The following SLC12A9 variants were observed in gnomAD, a reference collection of about 807,000 sequenced individuals.
SLC12A9 encodes CCC-interacting protein 1.
In SLC12A9, 55 loss-of-function variants were observed where a neutral mutation model predicts 66.0. That is an observed-to-expected ratio of 0.83 (90% CI 0.67 to 1.04). SLC12A9 has a LOEUF of 1.04. Among genes scored for constraint, SLC12A9 ranks in the 50% least tolerant of loss-of-function variants. The pLI, the probability that SLC12A9 is intolerant of heterozygous loss-of-function variation, is 0.00. For synonymous variants in SLC12A9, 577 were observed against 569.0 expected, an observed-to-expected ratio of 1.01 and a Z score of -0.20; for missense variants, 1,061 against 1,241.9, an observed-to-expected ratio of 0.85 and a Z score of 2.19.
chr7:100,861,954 T>G lies in SLC12A9; in HGVS notation c.1711+43T>G. The G allele has an allele frequency of 6.8e-7, 1 of 1,461,674 alleles. No homozygotes were observed. The highest frequency in any genetic ancestry group is 9.1e-7 in the Non-Finnish European group (1 of 1,100,650). 90.5% of individuals were successfully genotyped at this position (1,461,674 alleles called of 1,614,324 possible). On this transcript the variant is annotated intron_variant, in intron 12 of 13. Transcript: ENST00000354161. The surrounding 1 kb of genome is among the most constrained non-coding windows in gnomAD (Gnocchi z 5.3). ...TCACTCACTCACTCCCATCCTTCTC[T>G]CCCCCTACCTTTTTTTTTTTTTTGA...
chr7:100,843,169 G>C lies in SLC12A9; in HGVS notation n.228+16122G>C. Among the ~76,000 whole-genome samples, 2 of 152,220 alleles carry C rather than the reference G, an allele frequency of 1.3e-5. 1 individual carries two copies. The highest frequency in any genetic ancestry group is 2.9e-5 in the Non-Finnish European group (2 of 68,036). ...GTGGCACTTGTACTTTAGTCCAATTGGCTATCCCTTTCACCCTGGCATTTC... is the reference window on the plus strand; with the variant it reads ...GTGGCACTTGTACTTTAGTCCAATTCGCTATCCCTTTCACCCTGGCATTTC... On this transcript the variant is annotated intron_variant and non_coding_transcript_variant, in intron 1 of 1. Coordinates refer to the SLC12A9 transcript ENST00000461016.
chr7:100,865,033 C>T (rs913280368), intron 13 of SLC12A9, among the ~76,000 whole-genome samples: 4 of 152,070 alleles, frequency 2.6e-5, no homozygotes, highest in African/African-American at 9.7e-5. Context: ...TCTCGGCTTA[C>T]TACAACCACC....
chr7:100,858,785 T>A (rs1212933657), intron 5 of SLC12A9, 50 bp from the exon 6 acceptor site: 2 of 1,586,280 alleles, frequency 1.3e-6, no homozygotes, highest in African/African-American at 2.7e-5. Flanking sequence ...GAGGCCTGGA[T>A]CCCTGAGACG....
rs758353518 is a variant in SLC12A9, at chr7:100,856,887, G to A, written c.468G>A (p.Gly156=). 6.2e-7 allele frequency: 1 copy of A among 1,602,958 alleles called. No homozygotes were observed. Among genetic ancestry groups the A allele is most frequent in the South Asian group, 1.1e-5 (1 of 90,642 alleles). Residue 156 remains glycine, a synonymous_variant, in exon 5 of 14, where the codon GGG becomes GGA. Coordinates refer to ENST00000354161, the MANE Select transcript of SLC12A9 (RefSeq NM_020246.4). ...CTCCAGATGCCACAGGGCCCAGTGG[G>A]CTCCGGGTCCTGCCCCAGGGCTACG... ...VFGADATGPS[G]LRVLPQGYGW... is the part of the protein sequence containing the mutation.
rs1164791529 is a variant in SLC12A9 at position 100,854,773 on chromosome 7, G to A, written c.316+19G>A. The stretch of plus-strand genomic sequence containing the variant: ...GCCTACTGTATCCTCCAACATCGAT[G>A]GACTGGGGTCTGGCCTGTTCTGCCT... On this transcript the variant is annotated intron_variant, in intron 3 of 13. Coordinates refer to ENST00000354161, the MANE Select transcript of SLC12A9 (RefSeq NM_020246.4). The A allele has an allele frequency of 6.2e-7, 1 of 1,613,538 alleles. No homozygotes were observed. Among genetic ancestry groups the A allele is most frequent in the Non-Finnish European group, 8.5e-7 (1 of 1,179,920 alleles).
At chr7:100,862,897 TAG>T in intron 13 of SLC12A9, 70 bp downstream of exon 13, 1 of 1,581,348 alleles carries the variant, frequency 6.3e-7, no homozygotes, top group Non-Finnish European at 8.6e-7. Context: ...TCCCCTCCCC[TAG>T]AGAGTCAGCC....
intron 13 of SLC12A9, among the ~76,000 whole-genome samples, chr7:100,864,026 A>G (rs1004205054): frequency 6.6e-6 from 1 of 150,478 alleles, no homozygotes; most frequent in Non-Finnish European, 1.5e-5. Context: ...GAAATACGAA[A>G]TTTTTCCTGT....
Position 100,866,314 on chromosome 7 carries a change from G to A in SLC12A9, c.2454G>A (p.Gly818=). ...GAGEPEAEEE[G]DFVNSGRGDA... is the part of the protein sequence containing the mutation. ...GGGAACCCGAGGCGGAGGAGGAAGG[G>A]GACTTTGTGAACAGTGGGCGGGGAG... is the stretch of plus-strand genomic sequence containing the variant. The change falls in exon 14 of 14, where the codon GGG becomes GGA. Residue 818 remains glycine, a synonymous_variant. Coordinates refer to ENST00000354161, the MANE Select transcript of SLC12A9 (RefSeq NM_020246.4). This position sits in a 1 kb window ranked among gnomAD's most constrained non-coding sequence, Gnocchi z 7.3. 1 of 1,512,478 alleles carries A rather than the reference G, an allele frequency of 6.6e-7. No individual in the cohort carries two copies. The highest frequency in any genetic ancestry group is 1.3e-5 in the South Asian group (1 of 77,822). 93.7% of individuals were successfully genotyped at this position (1,512,478 alleles called of 1,614,324 possible).
chr7:100,865,585 G>GT (rs1437437496), intron 13 of SLC12A9, 134 bp from the exon 14 acceptor site: 95 of 1,571,288 alleles, frequency 6.0e-5, no homozygotes, highest in Non-Finnish European at 7.9e-5. Flanking sequence ...GAATGTTGCC[G>GT]TAAGAGCCCG....
upstream of SLC12A9, among the ~76,000 whole-genome samples, chr7:100,852,278 A>G (rs1358707226): frequency 6.6e-6 from 1 of 152,194 alleles, no homozygotes; most frequent in Non-Finnish European, 1.5e-5. Context: ...GTGAGGGGCG[A>G]GGCTGGGACC....
At chr7:100,827,488 G>A (rs1813443734) in intron 1 of SLC12A9, 1 of 151,414 alleles carries the variant, frequency 6.6e-6, no homozygotes, top group Admixed American at 6.6e-5. Context: ...GAGCCGGGCG[G>A]GCCGGGCCGG....
intron 1 of SLC12A9, among the ~76,000 whole-genome samples, chr7:100,830,465 G>A (rs1813522877): frequency 6.6e-6 from 1 of 151,944 alleles, no homozygotes; most frequent in East Asian, 1.9e-4. Flanking sequence ...TTTCAGTCCA[G>A]GAGTTTGAGG....
At chr7:100,865,255 G>A in intron 13 of SLC12A9, 2 of 1,535,654 alleles carry the variant, frequency 1.3e-6, no homozygotes, top group South Asian at 1.2e-5. Context: ...ACGGTGCCCT[G>A]CCTGGTCCAT....
chr7:100,840,471 A>G (rs895323396), intron 1 of SLC12A9, among the ~76,000 whole-genome samples: 6 of 152,250 alleles, frequency 3.9e-5, no homozygotes, highest in Non-Finnish European at 5.9e-5. Context: ...GTTCCCGTAC[A>G]TAGACACTTG....
intron 1 of SLC12A9, among the ~76,000 whole-genome samples, chr7:100,830,803 C>T (rs892546319): frequency 6.6e-6 from 1 of 152,046 alleles, no homozygotes; most frequent in Non-Finnish European, 1.5e-5. Context: ...TTCCCCTTTA[C>T]GTGGAGATGG....
chr7:100,837,591 G>A lies in SLC12A9; in HGVS notation n.228+10544G>A, dbSNP rs558577866. 5.9e-5 allele frequency: 9 copies of A among 152,386 alleles called. No homozygotes were observed. The East Asian group carries it at 1.2e-3, about 20-fold the overall frequency. The allele number at this position is 152,386 out of a possible 1,614,324, so 9.4% of individuals were successfully genotyped here. Reference sequence around the variant, plus strand: ...ATTCCGGAGGATTCCTGCAGCCACAGTGAATGTTTGGTTATTCCAGGCGCA... The same window carrying A: ...ATTCCGGAGGATTCCTGCAGCCACAATGAATGTTTGGTTATTCCAGGCGCA... On this transcript the variant is annotated intron_variant and non_coding_transcript_variant, in intron 1 of 1. Transcript: ENST00000461016.
intron 1 of SLC12A9, among the ~76,000 whole-genome samples, chr7:100,828,229 G>C (rs1450390804): frequency 2.0e-5 from 3 of 152,130 alleles, no homozygotes; most frequent in Non-Finnish European, 4.4e-5. Flanking sequence ...GAAAAATCGA[G>C]GAAACAACGG....
intron 1 of SLC12A9, among the ~76,000 whole-genome samples, chr7:100,832,309 G>A (rs564500591): frequency 4.9e-4 from 74 of 152,192 alleles, no homozygotes; most frequent in Non-Finnish European, 9.3e-4. Flanking sequence ...GTTTGAGACC[G>A]GCCTGGGCAA....
intron 1 of SLC12A9, among the ~76,000 whole-genome samples, chr7:100,835,895 G>A (rs567531132): frequency 6.6e-6 from 1 of 152,336 alleles, no homozygotes; most frequent in South Asian, 2.1e-4. Context: ...GATGCCAAAG[G>A]GCATGGAGGT....
Sources: gnomAD v4.1 joint callset for allele counts (sites outside exome capture counted in the v4.1 genomes callset) on GRCh38, gnomAD v4.1.1 for gene constraint, Gnocchi (gnomAD v3.1) non-coding constraint, MANE v1.5 for transcripts, NCBI Gene and HGNC (gene_info 2026-07-23, HGNC 2026-07-21) for gene names.